Variants in XYLB observed in about 807,000 individuals in gnomAD.
XYLB encodes the protein xylulokinase, also known as xylulose kinase.
A neutral mutation model predicts 78.7 loss-of-function variants in XYLB; 62 were observed. The ratio of observed to expected loss-of-function variants is 0.79; its 90% CI spans 0.64 to 0.97. XYLB has a LOEUF of 0.97. XYLB is among the 50% of genes least tolerant of loss of function. The pLI is 0.00. For missense variants in XYLB, 687 were observed against 676.8 expected (o/e 1.02, Z -0.17); for synonymous variants, 245 against 247.4 (o/e 0.99, Z 0.09).
the XYLB span, among the ~76,000 whole-genome samples, chr3:38,446,146 C>T: frequency 1.3e-5 from 2 of 152,166 alleles, no homozygotes; most frequent in Non-Finnish European, 2.9e-5. Flanking sequence ...GGGTGGCCAG[C>T]TTTTATTCCC....
At chr3:38,440,031 G>A in the XYLB span, among the ~76,000 whole-genome samples, 1 of 152,166 alleles carries the variant, frequency 6.6e-6, no homozygotes, top group African/African-American at 2.4e-5. Context: ...TCCTTTGAGA[G>A]TGTGTGGTAG....
intron 11 of XYLB, 76 bp from the exon 12 acceptor site, chr3:38,375,068 G>C: frequency 8.5e-7 from 1 of 1,176,058 alleles, no homozygotes; most frequent in South Asian, 1.4e-5. Context: ...GGTGGGTGGA[G>C]TACAGCGCGT....
At chr3:38,435,141 A>G in the XYLB span, among the ~76,000 whole-genome samples, 1 of 152,212 alleles carries the variant, frequency 6.6e-6, no homozygotes, top group African/African-American at 2.4e-5. Flanking sequence ...CTGATCAAAT[A>G]GATTTTTTTA....
Position 38,346,829 on chromosome 3 carries a change from A to G in XYLB, c.-40A>G. On this transcript the variant is annotated 5_prime_UTR_variant, in exon 1 of 19. Coordinates refer to ENST00000207870, the MANE Select transcript of XYLB (RefSeq NM_005108.4). ...CGGCGACTATCACGCCGCGTGGCGG[A>G]CGGACGGACTGACGGACGCGCAGCC... is the stretch of plus-strand genomic sequence containing the variant. The G allele has an allele frequency of 6.8e-7, 1 of 1,476,328 alleles. No homozygotes were observed. Among genetic ancestry groups the G allele is most frequent in the Non-Finnish European group, 9.0e-7 (1 of 1,112,274 alleles). The allele number at this position is 1,476,328 out of a possible 1,614,324, so 91.5% of individuals were successfully genotyped here. A position where few individuals can be genotyped will look rare whatever the true frequency, so the allele number is the denominator to read the frequency against.
chr3:38,360,389 C>CAGTACTAA lies in XYLB; in HGVS notation c.192_199dup (p.Met67LysfsTer3), dbSNP rs1559577565. 1 of 1,611,368 alleles carries CAGTACTAA rather than the reference C, an allele frequency of 6.2e-7. No individual in the cohort carries two copies. The highest frequency in any genetic ancestry group is 2.2e-5 in the East Asian group (1 of 44,778). On this transcript the variant is annotated frameshift_variant, in exon 3 of 19. Transcript: ENST00000207870. LOFTEE classifies it high-confidence loss of function. The stretch of plus-strand genomic sequence containing the variant: ...AAGGATGGGCTGACGGTCACTTCTC[C>CAGTACTAA]AGTACTAATGTGGGTCCAGGTAAGC...
chr3:38,384,043 G>A (rs934924852), intron 15 of XYLB, among the ~76,000 whole-genome samples: 5 of 151,968 alleles, frequency 3.3e-5, no homozygotes, highest in South Asian at 2.1e-4. Context: ...TGTTTTTTTT[G>A]TTTGTTTGTT....
At chr3:38,416,299 TGTAA>T (rs146570202), downstream of XYLB, among the ~76,000 whole-genome samples, 4,239 of 151,994 alleles carry the variant, frequency 0.028, 166 homozygotes, top group East Asian at 0.16. Context: ...GTATATGAAG[TGTAA>T]GTAAGGAAAA....
At chr3:38,396,795 A>C (rs1707888079) in intron 16 of XYLB, among the ~76,000 whole-genome samples, 2 of 152,196 alleles carry the variant, frequency 1.3e-5, no homozygotes, top group African/African-American at 4.8e-5. Flanking sequence ...TGCTAAACAT[A>C]CTTCCTAAAT....
At chr3:38,452,472 C>T in the XYLB span, 2 of 152,084 alleles carry the variant, frequency 1.3e-5, no homozygotes, top group African/African-American at 2.4e-5. Flanking sequence ...ACTCTGTCAC[C>T]TAGGATGGAG....
intron 1 of XYLB, among the ~76,000 whole-genome samples, chr3:38,347,397 C>G (rs111561377): frequency 0.031 from 4,769 of 152,264 alleles, 122 homozygotes; most frequent in Middle Eastern, 0.061. Context: ...ATTGAAATGG[C>G]CCAGGCCTGG....
At position 38,399,178 on chromosome 3, in the gene XYLB, C is replaced by A. The variant is rs372093732; in HGVS notation, c.1439-1713C>A. Among the ~76,000 whole-genome samples the A allele has an allele frequency of 3.3e-5, 5 of 152,284 alleles. No homozygotes were observed. In the East Asian group the frequency reaches 9.7e-4, roughly 29 times the overall value. On this transcript the variant is annotated intron_variant, in intron 17 of 18. Transcript: ENST00000207870. ...GCAGTGGCGTAGTCATGGCTCACTG[C>A]AGCCTCGACCTCCTAGACTCAGGTG... is the stretch of plus-strand genomic sequence containing the variant.
chr3:38,404,869 C>G (rs1010139182), intron 18 of XYLB, among the ~76,000 whole-genome samples: 2 of 152,040 alleles, frequency 1.3e-5, no homozygotes, highest in Non-Finnish European at 2.9e-5. Context: ...CAAATTAAAC[C>G]AAATTAAGAA....
At chr3:38,420,725 C>CGT (rs1413165407), downstream of XYLB, among the ~76,000 whole-genome samples, 1 of 104,150 alleles carries the variant, frequency 9.6e-6, no homozygotes, top group African/African-American at 3.0e-5. Flanking sequence ...AGAATATCCC[C>CGT]CTTTTTTTTT....
chr3:38,351,311 T>A (rs1289937521), intron 2 of XYLB, among the ~76,000 whole-genome samples: 19 of 151,974 alleles, frequency 1.3e-4, no homozygotes, highest in Admixed American at 1.0e-3. Context: ...TTCTAGTCTT[T>A]CAAAATTTTA....
chr3:38,412,374 T>C (rs2125680786), intron 18 of XYLB, among the ~76,000 whole-genome samples: 1 of 152,322 alleles, frequency 6.6e-6, no homozygotes, highest in East Asian at 1.9e-4. Flanking sequence ...AACTGCTGTA[T>C]GGACTGCTAC....
the XYLB span, among the ~76,000 whole-genome samples, chr3:38,449,625 T>A: frequency 6.6e-6 from 1 of 152,210 alleles, no homozygotes; most frequent in Admixed American, 6.5e-5. Context: ...CTAACCATCA[T>A]CTTCCCAGTC....
chr3:38,349,418 TG>T (rs774025400), intron 2 of XYLB, among the ~76,000 whole-genome samples: 4 of 152,186 alleles, frequency 2.6e-5, no homozygotes, highest in Non-Finnish European at 4.4e-5. Flanking sequence ...AATATCTCTC[TG>T]GGGGCATTGG....
downstream of XYLB, among the ~76,000 whole-genome samples, chr3:38,421,733 A>G (rs1280361743): frequency 6.6e-6 from 1 of 152,184 alleles, no homozygotes; most frequent in Non-Finnish European, 1.5e-5. Flanking sequence ...GAAGTAACAG[A>G]AGAGGTGACA....
chr3:38,396,615 C>T (rs1707881112), intron 16 of XYLB, among the ~76,000 whole-genome samples: 1 of 152,214 alleles, frequency 6.6e-6, no homozygotes, highest in South Asian at 2.1e-4. Context: ...TCCATGTGAA[C>T]TCCTCTTAGT....
Sources: gnomAD v4.1 joint callset for allele counts (sites outside exome capture counted in the v4.1 genomes callset) on GRCh38, gnomAD v4.1.1 for gene constraint, MANE v1.5 for transcripts, NCBI Gene and HGNC (gene_info 2026-07-23, HGNC 2026-07-21) for gene names.